RFTN1: variants seen among roughly 807,000 people sequenced by gnomAD.
RFTN1 encodes the protein raftlin.
A neutral mutation model predicts 46.5 loss-of-function variants in RFTN1; 26 were observed. The ratio of observed to expected loss-of-function variants is 0.56; its 90% CI spans 0.41 to 0.78. The LOEUF (loss-of-function observed/expected upper bound fraction) is 0.78. RFTN1 is among the 30% of genes least tolerant of loss of function. RFTN1 has a pLI of 0.00. For missense variants in RFTN1, 693 were observed against 718.7 expected (o/e 0.96, Z 0.41); for synonymous variants, 261 against 284.2 (o/e 0.92, Z 0.82).
At chr3:16,332,499 A>G (rs1373684490) in intron 7 of RFTN1, among the ~76,000 whole-genome samples, 1 of 151,516 alleles carries the variant, frequency 6.6e-6, no homozygotes. Flanking sequence ...TGATACCTAC[A>G]TTATCTCCAC....
intron 3 of RFTN1, among the ~76,000 whole-genome samples, chr3:16,412,498 G>A (rs2074997734): frequency 6.6e-6 from 1 of 152,236 alleles, no homozygotes; most frequent in Admixed American, 6.5e-5. Flanking sequence ...GCCCTATAGA[G>A]CTGCCAGAGG....
At chr3:16,367,074 T>C (rs1391496990) in intron 6 of RFTN1, among the ~76,000 whole-genome samples, 1 of 152,220 alleles carries the variant, frequency 6.6e-6, no homozygotes, top group Non-Finnish European at 1.5e-5. Flanking sequence ...GGCTGAAACA[T>C]CACCTTGTTT....
chr3:16,485,571 G>C (rs2076435937), intron 2 of RFTN1, among the ~76,000 whole-genome samples: 1 of 152,260 alleles, frequency 6.6e-6, no homozygotes. Flanking sequence ...CTATGTACAT[G>C]TTATTCAAAA....
At chr3:16,354,386 A>C (rs1474618625) in intron 7 of RFTN1, among the ~76,000 whole-genome samples, 1 of 152,236 alleles carries the variant, frequency 6.6e-6, no homozygotes, top group Non-Finnish European at 1.5e-5. Context: ...ATCTGCTTTC[A>C]GGAGATGTCA....
At chr3:16,487,550 C>T (rs2076469466) in intron 2 of RFTN1, among the ~76,000 whole-genome samples, 1 of 152,184 alleles carries the variant, frequency 6.6e-6, no homozygotes, top group South Asian at 2.1e-4. Flanking sequence ...TTCTATTTTA[C>T]TTTGTTTTAA....
Position 16,400,187 on chromosome 3 carries a change from C to G in RFTN1, c.441+9188G>C, listed in dbSNP as rs189059538. Among the ~76,000 whole-genome samples, 1 of 152,210 alleles carries G rather than the reference C, an allele frequency of 6.6e-6. No homozygotes were observed. Among genetic ancestry groups the G allele is most frequent in the Non-Finnish European group, 1.5e-5 (1 of 68,040 alleles). On this transcript the variant is annotated intron_variant, in intron 4 of 9. Transcript: ENST00000334133. The surrounding 1 kb of genome is among the most constrained non-coding windows in gnomAD (Gnocchi z 4.5). ...GGACCCGACTCACTCTCCAGCCTCA[C>G]TCCACCTCACTCACCCCTCTGTCAT...
chr3:16,454,195 T>C (rs1175310182), intron 2 of RFTN1, among the ~76,000 whole-genome samples: 1 of 152,234 alleles, frequency 6.6e-6, no homozygotes, highest in African/African-American at 2.4e-5. Context: ...ATGATGATTT[T>C]CTAAAAACCC....
In RFTN1 at chr3:16,337,493, C is replaced by G. The variant is rs1038700573; in HGVS notation, c.1147-10617G>C. On this transcript the variant is annotated intron_variant, in intron 7 of 9. Coordinates refer to ENST00000334133, the MANE Select transcript of RFTN1 (RefSeq NM_015150.2). This position sits in a 1 kb window ranked among gnomAD's most constrained non-coding sequence, Gnocchi z 5.0. ...GCTCAGTGGCTCACGCCTGTAATCT[C>G]TGCACTTTGGGAGGCAGAGGTGGGT... 2 of 152,110 alleles carry G rather than the reference C, an allele frequency of 1.3e-5. No individual in the cohort carries two copies. Among genetic ancestry groups the G allele is most frequent in the African/African-American group, 4.8e-5 (2 of 41,388 alleles). The allele number at this position is 152,110 out of a possible 1,614,324, so 9.4% of individuals were successfully genotyped here.
intron 2 of RFTN1, among the ~76,000 whole-genome samples, chr3:16,455,010 A>T (rs1456837189): frequency 1.3e-5 from 2 of 152,210 alleles, no homozygotes; most frequent in Admixed American, 1.3e-4. Context: ...GCTGTCTCCC[A>T]TGAAGATCCC....
At chr3:16,347,244 A>C (rs1455644835) in intron 7 of RFTN1, among the ~76,000 whole-genome samples, 1 of 152,236 alleles carries the variant, frequency 6.6e-6, no homozygotes, top group Non-Finnish European at 1.5e-5. Flanking sequence ...CATACTGTCA[A>C]GGACACCCTA....
intron 3 of RFTN1, among the ~76,000 whole-genome samples, chr3:16,420,703 A>G (rs2075167683): frequency 6.6e-6 from 1 of 152,264 alleles, no homozygotes. Context: ...AGCACCTGAA[A>G]TTCAGCCAGT....
intron 5 of RFTN1, among the ~76,000 whole-genome samples, chr3:16,375,038 G>A (rs1559303748): frequency 6.6e-6 from 1 of 152,224 alleles, no homozygotes; most frequent in Non-Finnish European, 1.5e-5. Flanking sequence ...CTGAGGAGAA[G>A]GAGGGAAGAG....
intron 4 of RFTN1, 73 bp downstream of exon 4, chr3:16,409,302 G>T: frequency 9.6e-7 from 1 of 1,039,104 alleles, no homozygotes; most frequent in Non-Finnish European, 1.5e-6. Flanking sequence ...TCTGTCCTAA[G>T]GCAGCTACCT....
Position 16,407,294 on chromosome 3 carries a change from C to T in RFTN1, c.441+2081G>A, listed in dbSNP as rs184755715. ...AACTCCTGGGCTCAAGCAATTCTCT[C>T]GCCTCAGCCTCTAGAGTAGCTAGGA... On this transcript the variant is annotated intron_variant, in intron 4 of 9. Transcript: ENST00000334133. The surrounding 1 kb of genome is among the most constrained non-coding windows in gnomAD (Gnocchi z 4.0). Among the ~76,000 whole-genome samples the T allele has an allele frequency of 6.3e-4, 96 of 152,188 alleles. No homozygotes were observed. The highest frequency in any genetic ancestry group is 2.3e-3 in the Admixed American group (35 of 15,288).
intron 2 of RFTN1, among the ~76,000 whole-genome samples, chr3:16,486,471 C>T (rs1559370982): frequency 6.6e-6 from 1 of 152,202 alleles, no homozygotes; most frequent in African/African-American, 2.4e-5. Context: ...CTGTGGCTCC[C>T]CACATATGCA....
At chr3:16,444,680 C>A (rs1411371988) in intron 2 of RFTN1, among the ~76,000 whole-genome samples, 2 of 152,186 alleles carry the variant, frequency 1.3e-5, no homozygotes, top group Non-Finnish European at 1.5e-5. Flanking sequence ...AAAATGTGTA[C>A]CACAATGTAC....
At position 16,407,122 on chromosome 3, in the gene RFTN1, G is replaced by C. The variant is rs2074878044; in HGVS notation, c.441+2253C>G. Among the ~76,000 whole-genome samples, 1 of 152,160 alleles carries C rather than the reference G, an allele frequency of 6.6e-6. No individual in the cohort carries two copies. The highest frequency in any genetic ancestry group is 2.1e-4 in the South Asian group (1 of 4,832). ...AGAACTGAGACAGGACCACTGCAAT[G>C]GGTCAGCCATGCAATAACCTAATTT... On this transcript the variant is annotated intron_variant, in intron 4 of 9. Coordinates refer to ENST00000334133, the MANE Select transcript of RFTN1 (RefSeq NM_015150.2). The surrounding 1 kb of genome is among the most constrained non-coding windows in gnomAD (Gnocchi z 4.0).
At position 16,473,653 on chromosome 3, in the gene RFTN1, C is replaced by T. The variant is rs772776127; in HGVS notation, c.145+20072G>A. ...AACTCCTGAGCTCAGGCAATCCACCCGCCTTGGCCTCCCAAAGTGCTAAGA... is the reference window on the plus strand; with the variant it reads ...AACTCCTGAGCTCAGGCAATCCACCTGCCTTGGCCTCCCAAAGTGCTAAGA... On this transcript the variant is annotated intron_variant, in intron 2 of 9. Transcript: ENST00000334133. The surrounding 1 kb of genome is among the most constrained non-coding windows in gnomAD (Gnocchi z 5.3). 4.6e-5 allele frequency among the ~76,000 whole-genome samples: 7 copies of T among 152,136 alleles called. No homozygotes were observed. The highest frequency in any genetic ancestry group is 3.8e-4 in the East Asian group (2 of 5,196).
At position 16,433,739 on chromosome 3, in the gene RFTN1, T is replaced by G; in HGVS notation, c.332+112A>C. On this transcript the variant is annotated intron_variant, in intron 3 of 9. Transcript: ENST00000334133. This position sits in a 1 kb window ranked among gnomAD's most constrained non-coding sequence, Gnocchi z 4.4. ...CTCACCTGTCTGAGGGCTGAGGCCC[T>G]GAGGACAGCATGCAAATTTCAACCC... is the stretch of plus-strand genomic sequence containing the variant. The G allele has an allele frequency of 3.6e-6, 4 of 1,121,864 alleles. No individual in the cohort carries two copies. Among genetic ancestry groups the G allele is most frequent in the Non-Finnish European group, 5.4e-6 (4 of 743,628 alleles). The allele number at this position is 1,121,864 out of a possible 1,614,324, so 69.5% of individuals were successfully genotyped here. A position where few individuals can be genotyped will look rare whatever the true frequency, so the allele number is the denominator to read the frequency against.
Sources: allele counts gnomAD v4.1 joint callset (sites outside exome capture counted in the v4.1 genomes callset), GRCh38; gene constraint gnomAD v4.1.1; non-coding constraint Gnocchi (gnomAD v3.1); transcripts MANE v1.5; gene names NCBI Gene and HGNC (gene_info 2026-07-23, HGNC 2026-07-21).